CHRM3: variants seen among roughly 807,000 people sequenced by gnomAD.
CHRM3 encodes muscarinic acetylcholine receptor M3.
Under a neutral mutation model 41.8 loss-of-function variants are expected in CHRM3, and 11 were observed. The ratio of observed to expected loss-of-function variants is 0.26; its 90% CI spans 0.17 to 0.44. The LOEUF is 0.44. Ranked by LOEUF, CHRM3 falls within the 20% of genes least tolerant of loss-of-function variation. The probability of loss-of-function intolerance (pLI) is 1.00; values close to 1 mark genes in which losing one functional copy is unlikely to be tolerated. For missense variants in CHRM3, 571 were observed against 745.4 expected (o/e 0.77, Z 2.72); for synonymous variants, 297 against 301.4 (o/e 0.99, Z 0.15).
At position 239,455,406 on chromosome 1, in the gene CHRM3, G is replaced by C. The variant is rs558241758; in HGVS notation, c.-520-37303G>C. On this transcript the variant is annotated intron_variant, in intron 1 of 6. Transcript: ENST00000676153. Reference sequence around the variant, plus strand: ...AAACAGCCTCAGGCAGGTCCCTCAAGGGGTGTTCCAGAAGAAGGCATCATT... The same window carrying C: ...AAACAGCCTCAGGCAGGTCCCTCAACGGGTGTTCCAGAAGAAGGCATCATT... Among the ~76,000 whole-genome samples, 5 of 151,934 alleles carry C rather than the reference G, an allele frequency of 3.3e-5. No individual in the cohort carries two copies. In the East Asian group the frequency reaches 9.7e-4, roughly 29 times the overall value.
In CHRM3 at chr1:239,876,122, C is replaced by T. The variant is rs149586195; in HGVS notation, c.-19-31311C>T. Among the ~76,000 whole-genome samples the T allele has an allele frequency of 1.5e-3, 234 of 152,272 alleles. 2 individuals are homozygous for T. The highest frequency in any genetic ancestry group is 6.8e-3 in the Middle Eastern group (2 of 294). ...CCGAAAGTGGCAAATATGTTCAGCT[C>T]GTTGGTCCAGTTTAATCTCTCGTTC... On this transcript the variant is annotated intron_variant, in intron 6 of 6. Coordinates refer to ENST00000676153, the MANE Select transcript of CHRM3 (RefSeq NM_001375978.1).
intron 2 of CHRM3, among the ~76,000 whole-genome samples, chr1:239,495,134 A>G (rs1667799017): frequency 6.6e-6 from 1 of 152,082 alleles, no homozygotes; most frequent in South Asian, 2.1e-4. Flanking sequence ...CTTGAACTCT[A>G]TGCTTACAAC....
chr1:239,480,413 A>G (rs12117673), intron 1 of CHRM3, among the ~76,000 whole-genome samples: 1 of 152,114 alleles, frequency 6.6e-6, no homozygotes, highest in Non-Finnish European at 1.5e-5. Context: ...GCACATGAAC[A>G]GTATCTTATG....
intron 2 of CHRM3, among the ~76,000 whole-genome samples, chr1:239,511,854 C>A (rs991663121): frequency 6.6e-6 from 1 of 152,092 alleles, no homozygotes; most frequent in East Asian, 1.9e-4. Context: ...AGCAAATAAG[C>A]TTTTTGTAAG....
At chr1:239,552,507 TTA>T (rs113901251) in intron 3 of CHRM3, among the ~76,000 whole-genome samples, 2 of 145,876 alleles carry the variant, frequency 1.4e-5, no homozygotes, top group Non-Finnish European at 3.0e-5. Context: ...AATATATATT[TTA>T]TATATATATA....
chr1:239,582,226 C>T (rs985281905), intron 3 of CHRM3, among the ~76,000 whole-genome samples: 1 of 152,116 alleles, frequency 6.6e-6, no homozygotes. Flanking sequence ...AACACAAGAA[C>T]TTTAAAGAGG....
At chr1:239,806,442 A>ACACC (rs767084160) in intron 5 of CHRM3, among the ~76,000 whole-genome samples, 2 of 148,910 alleles carry the variant, frequency 1.3e-5, no homozygotes, top group African/African-American at 4.9e-5. Context: ...ACACACACAC[A>ACACC]CCCCTGTGGA....
intron 1 of CHRM3, among the ~76,000 whole-genome samples, chr1:239,406,365 G>A (rs1159945747): frequency 6.6e-6 from 1 of 152,164 alleles, no homozygotes; most frequent in Admixed American, 6.5e-5. Context: ...AGAAACAAAC[G>A]CTTTATTTTC....
At chr1:239,578,012 A>G (rs189501538) in intron 3 of CHRM3, among the ~76,000 whole-genome samples, 2 of 152,302 alleles carry the variant, frequency 1.3e-5, no homozygotes, top group East Asian at 1.9e-4. Context: ...GAATGTGTGC[A>G]TTTTTGTAAT....
At chr1:239,447,522 T>C (rs1303011619) in intron 1 of CHRM3, among the ~76,000 whole-genome samples, 2 of 152,172 alleles carry the variant, frequency 1.3e-5, no homozygotes, top group Non-Finnish European at 2.9e-5. Flanking sequence ...CAGAAGCTTT[T>C]GGTTCAAGTA....
intron 3 of CHRM3, among the ~76,000 whole-genome samples, chr1:239,567,211 C>A (rs1661435610): frequency 6.6e-6 from 1 of 151,710 alleles, no homozygotes; most frequent in Non-Finnish European, 1.5e-5. Context: ...CGGTGGCATG[C>A]ACCTGAATGT....
At chr1:239,841,159 A>C (rs1042528205) in intron 6 of CHRM3, among the ~76,000 whole-genome samples, 1 of 152,344 alleles carries the variant, frequency 6.6e-6, no homozygotes, top group South Asian at 2.1e-4. Flanking sequence ...GGTCCATAAA[A>C]GTTGAGAATG....
chr1:239,467,822 G>C (rs1665837380), intron 1 of CHRM3, among the ~76,000 whole-genome samples: 1 of 151,964 alleles, frequency 6.6e-6, no homozygotes, highest in Non-Finnish European at 1.5e-5. Flanking sequence ...TTAGAGGGTT[G>C]GATCACTTTT....
At chr1:239,743,634 G>A (rs1665053442) in intron 5 of CHRM3, among the ~76,000 whole-genome samples, 1 of 151,842 alleles carries the variant, frequency 6.6e-6, no homozygotes, top group Non-Finnish European at 1.5e-5. Flanking sequence ...ATATGTCTGG[G>A]GTCACAGATC....
chr1:239,453,655 C>A (rs1664722404), intron 1 of CHRM3, among the ~76,000 whole-genome samples: 1 of 152,088 alleles, frequency 6.6e-6, no homozygotes, highest in South Asian at 2.1e-4. Context: ...ATTATGCATT[C>A]TACTAGGCAT....
Position 239,800,293 on chromosome 1 carries a change from A to G in CHRM3, c.-146-26959A>G, listed in dbSNP as rs368693322. ...GGGGCCAATGACTGGTTCTGGTTCC[A>G]TGGAGCCAGGTCACTGCTGCCTTCT... On this transcript the variant is annotated intron_variant, in intron 5 of 6. Transcript: ENST00000676153. Among the ~76,000 whole-genome samples, 11 of 152,312 alleles carry G rather than the reference A, an allele frequency of 7.2e-5. No individual in the cohort carries two copies. The East Asian group carries it at 1.2e-3, about 16-fold the overall frequency.
At chr1:239,400,931 A>T (rs979657359) in intron 1 of CHRM3, among the ~76,000 whole-genome samples, 1 of 152,146 alleles carries the variant, frequency 6.6e-6, no homozygotes, top group African/African-American at 2.4e-5. Flanking sequence ...CTCAGCTTAA[A>T]CAGCTGATGA....
intron 5 of CHRM3, among the ~76,000 whole-genome samples, chr1:239,741,392 G>A (rs1345165215): frequency 3.9e-5 from 6 of 152,116 alleles, no homozygotes; most frequent in African/African-American, 1.4e-4. Flanking sequence ...CAGGTATAGG[G>A]TGGACATTTC....
intron 5 of CHRM3, among the ~76,000 whole-genome samples, chr1:239,722,962 G>A (rs187986235): frequency 1.8e-4 from 27 of 151,914 alleles, no homozygotes; most frequent in African/African-American, 5.1e-4. Context: ...GTACTAATTC[G>A]TTTTCCTCAA....
Sources: allele counts gnomAD v4.1 joint callset (sites outside exome capture counted in the v4.1 genomes callset), GRCh38; gene constraint gnomAD v4.1.1; transcripts MANE v1.5; gene names NCBI Gene and HGNC (gene_info 2026-07-23, HGNC 2026-07-21).